Variants in LDB2 observed in about 807,000 individuals in gnomAD.
The protein encoded by LDB2 is LIM domain binding 2.
LDB2 carries 12 observed loss-of-function variants against 44.3 expected under a neutral mutation model. The ratio of observed to expected loss-of-function variants is 0.27; its 90% CI spans 0.17 to 0.44. The LOEUF is 0.44. Among genes scored for constraint, LDB2 ranks in the 20% least tolerant of loss-of-function variants. The pLI is 1.00. For synonymous variants in LDB2, 164 were observed against 174.8 expected (o/e 0.94, Z 0.49); for missense variants, 344 against 473.5 (o/e 0.73, Z 2.54).
chr4:16,595,678 G>A, intron 3 of LDB2, 25 bp downstream of exon 3: 2 of 1,600,012 alleles, frequency 1.2e-6, no homozygotes, highest in Non-Finnish European at 1.7e-6. Flanking sequence ...GAAAAGCCGG[G>A]CATGTGACAG....
chr4:16,662,206 C>A (rs1402318071), intron 2 of LDB2, among the ~76,000 whole-genome samples: 1 of 152,136 alleles, frequency 6.6e-6, no homozygotes, highest in Non-Finnish European at 1.5e-5. Context: ...TTCCTTCAGT[C>A]CCTACTCATC....
chr4:16,724,360 A>C (rs1294288487), intron 2 of LDB2, among the ~76,000 whole-genome samples: 2 of 151,294 alleles, frequency 1.3e-5, no homozygotes, highest in Non-Finnish European at 2.9e-5. Flanking sequence ...GCACCTGGGT[A>C]CAGGGAAAAT....
intron 1 of LDB2, among the ~76,000 whole-genome samples, chr4:16,764,453 A>T (rs1043461065): frequency 6.6e-6 from 1 of 152,060 alleles, no homozygotes; most frequent in African/African-American, 2.4e-5. Flanking sequence ...CTGGCAGAAG[A>T]TCTAACAACT....
At chr4:16,776,366 T>A (rs1286824535) in intron 1 of LDB2, among the ~76,000 whole-genome samples, 1 of 152,184 alleles carries the variant, frequency 6.6e-6, no homozygotes, top group Non-Finnish European at 1.5e-5. Flanking sequence ...AGTGAAAACA[T>A]TTTTGGGGGA....
chr4:16,512,232 T>C, intron 5 of LDB2, 128 bp from the exon 6 acceptor site: 1 of 887,144 alleles, frequency 1.1e-6, no homozygotes, highest in East Asian at 2.8e-5. Flanking sequence ...TGATTTTCTT[T>C]ATATAAATGT....
chr4:16,878,079 A>G (rs1718958310), intron 1 of LDB2, among the ~76,000 whole-genome samples: 1 of 152,224 alleles, frequency 6.6e-6, no homozygotes, highest in Admixed American at 6.5e-5. Context: ...GGAGTAATGA[A>G]GATATTGTAA....
chr4:16,769,504 T>C (rs1162871817), intron 1 of LDB2, among the ~76,000 whole-genome samples: 2 of 151,856 alleles, frequency 1.3e-5, no homozygotes, highest in Non-Finnish European at 2.9e-5. Context: ...CCATGTTGAC[T>C]AGGCTTCTCT....
chr4:16,595,699 G>A lies in LDB2; in HGVS notation c.408+4C>T, dbSNP rs1232151462. The A allele has an allele frequency of 1.9e-6, 3 of 1,612,708 alleles. No homozygotes were observed. In the Admixed American group the frequency reaches 5.0e-5, roughly 27 times the overall value. On this transcript the variant is annotated splice_donor_region_variant and intron_variant, in intron 3 of 7. Transcript: ENST00000304523. ...CCGGGCATGTGACAGAGCCTGTCCTGTACCTTGGTAAACATGGGCTTCCCG... is the reference window on the plus strand; with the variant it reads ...CCGGGCATGTGACAGAGCCTGTCCTATACCTTGGTAAACATGGGCTTCCCG...
intron 1 of LDB2, among the ~76,000 whole-genome samples, chr4:16,779,722 T>A (rs1332168548): frequency 6.6e-6 from 1 of 152,228 alleles, no homozygotes; most frequent in Non-Finnish European, 1.5e-5. Context: ...AAGTTAGTTT[T>A]CCCCTTCCCC....
At chr4:16,821,914 G>A (rs1782159268) in intron 1 of LDB2, among the ~76,000 whole-genome samples, 3 of 152,026 alleles carry the variant, frequency 2.0e-5, no homozygotes. Flanking sequence ...TCTCAGTTTA[G>A]AGGTTTTGAA....
chr4:16,508,217 G>A (rs771542541), intron 7 of LDB2, among the ~76,000 whole-genome samples: 4 of 152,222 alleles, frequency 2.6e-5, no homozygotes, highest in Non-Finnish European at 5.9e-5. Flanking sequence ...TACGCCACCA[G>A]GCATGCTGCT....
At chr4:16,658,430 G>C (rs1457996191) in intron 2 of LDB2, among the ~76,000 whole-genome samples, 1 of 152,082 alleles carries the variant, frequency 6.6e-6, no homozygotes, top group East Asian at 1.9e-4. Context: ...AAACCTATCA[G>C]GAAAGTAACA....
intron 2 of LDB2, among the ~76,000 whole-genome samples, chr4:16,684,035 T>C (rs574804241): frequency 7.5e-4 from 114 of 152,332 alleles, no homozygotes; most frequent in African/African-American, 2.6e-3. Flanking sequence ...AATAGGATGT[T>C]GGCATTATAG....
At position 16,566,345 on chromosome 4, in the gene LDB2, A is replaced by G. The variant is rs545048799; in HGVS notation, c.615+19577T>C. 3.9e-5 allele frequency among the ~76,000 whole-genome samples: 6 copies of G among 152,256 alleles called. No individual in the cohort carries two copies. In the South Asian group the frequency reaches 1.0e-3, roughly 26 times the overall value. On this transcript the variant is annotated intron_variant, in intron 5 of 7. Transcript: ENST00000304523. Reference sequence around the variant, plus strand: ...GAACACAAAGCCAAAAAATACAAAGAATAGAGAACAGGAATTGGAATACAG... The same window carrying G: ...GAACACAAAGCCAAAAAATACAAAGGATAGAGAACAGGAATTGGAATACAG...
chr4:16,853,020 C>T (rs1395146455), intron 1 of LDB2, among the ~76,000 whole-genome samples: 2 of 152,146 alleles, frequency 1.3e-5, no homozygotes, highest in Non-Finnish European at 2.9e-5. Flanking sequence ...AAAGAAAGCC[C>T]TCTCTTCCAG....
rs1038699514 is a variant in LDB2, at chr4:16,686,725, C to CTGAA, written c.235+72429_235+72432dup. ...TACTGCAGGTGAATTCCACCTGGTT[C>CTGAA]TGAATGAATGAATGAATCAATCAAT... On this transcript the variant is annotated intron_variant, in intron 2 of 7. Transcript: ENST00000304523. Among the ~76,000 whole-genome samples the CTGAA allele has an allele frequency of 1.1e-4, 17 of 152,252 alleles. No individual in the cohort carries two copies. The South Asian group carries it at 1.9e-3, about 17-fold the overall frequency.
chr4:16,779,680 C>G (rs1350227414), intron 1 of LDB2, among the ~76,000 whole-genome samples: 1 of 152,174 alleles, frequency 6.6e-6, no homozygotes, highest in Admixed American at 6.5e-5. Context: ...AGCCCTAATG[C>G]TGAGTAGTCA....
At chr4:16,822,985 ACCCTAGATAG>A (rs1173473299) in intron 1 of LDB2, among the ~76,000 whole-genome samples, 1 of 152,168 alleles carries the variant, frequency 6.6e-6, no homozygotes, top group Non-Finnish European at 1.5e-5. Flanking sequence ...GAGGGCTGTG[ACCCTAGATAG>A]CCTAGCTGCA....
At chr4:16,513,216 A>G (rs1419307935) in intron 5 of LDB2, among the ~76,000 whole-genome samples, 1 of 152,112 alleles carries the variant, frequency 6.6e-6, no homozygotes, top group Non-Finnish European at 1.5e-5. Context: ...TGAAGACTGC[A>G]CATCTCTACC....
Sources: allele counts gnomAD v4.1 joint callset (sites outside exome capture counted in the v4.1 genomes callset), GRCh38; gene constraint gnomAD v4.1.1; transcripts MANE v1.5; gene names NCBI Gene and HGNC (gene_info 2026-07-23, HGNC 2026-07-21).